The following HERC3 variants were observed in gnomAD, a reference collection of about 807,000 sequenced individuals.
HERC3 encodes the protein HECT and RLD domain containing E3 ubiquitin protein ligase 3, also known as probable E3 ubiquitin-protein ligase HERC3.
A neutral mutation model predicts 129.9 loss-of-function variants in HERC3; 58 were observed. The observed-to-expected ratio is 0.45, with a 90% confidence interval of 0.36 to 0.56. The LOEUF (loss-of-function observed/expected upper bound fraction) is 0.56. Ranked by LOEUF, HERC3 falls within the 20% of genes least tolerant of loss-of-function variation. The probability of loss-of-function intolerance (pLI) is 0.00; values close to 1 mark genes in which losing one functional copy is unlikely to be tolerated. For missense variants in HERC3, 835 were observed against 1,244.2 expected, an observed-to-expected ratio of 0.67 and a Z score of 4.95; for synonymous variants, 430 against 451.0, an observed-to-expected ratio of 0.95 and a Z score of 0.59.
intron 23 of HERC3, 136 bp from the exon 24 acceptor site, chr4:88,703,962 A>G: frequency 1.3e-6 from 1 of 746,366 alleles, no homozygotes; most frequent in South Asian, 1.8e-5. Context: ...AACCTATATG[A>G]TGCCTTAGGA....
At chr4:88,563,012 G>C in the HERC3 span, among the ~76,000 whole-genome samples, 1 of 152,066 alleles carries the variant, frequency 6.6e-6, no homozygotes, top group African/African-American at 2.4e-5. Flanking sequence ...ATAAATGTCA[G>C]GATTATTTTT....
the HERC3 span, among the ~76,000 whole-genome samples, chr4:88,535,894 G>A: frequency 0.024 from 3,655 of 152,278 alleles, 137 homozygotes; most frequent in African/African-American, 0.082. Flanking sequence ...TAGAAATAAT[G>A]CAAATGTTTC....
At chr4:88,667,808 C>CT (rs1731205132) in intron 13 of HERC3, 84 bp from the exon 14 acceptor site, 14 of 1,005,748 alleles carry the variant, frequency 1.4e-5, no homozygotes, top group Non-Finnish European at 2.0e-5. Context: ...AGTTGAGAGT[C>CT]TATCAAATAG....
rs562990641 is a variant in HERC3 at position 88,686,854 on chromosome 4, T to C, written c.2574+52T>C. 4.2e-5 allele frequency: 52 copies of C among 1,252,340 alleles called. No individual in the cohort carries two copies. The South Asian group carries it at 5.2e-4, about 12-fold the overall frequency. The allele number at this position is 1,252,340 out of a possible 1,614,324, so 77.6% of individuals were successfully genotyped here. On this transcript the variant is annotated intron_variant, in intron 22 of 25. Transcript: ENST00000402738. The stretch of plus-strand genomic sequence containing the variant: ...ATTGTGGCTGTCTCTCTTACCATCT[T>C]TAGAGTGATATTTAACATTAGTTCT...
At position 88,704,201 on chromosome 4, in the gene HERC3, G is replaced by A; in HGVS notation, c.2761G>A (p.Val921Ile). Residue 921 changes from valine to isoleucine, a missense_variant, in exon 24 of 26, where the codon GTA (valine) becomes ATA (isoleucine). Physicochemically the swap from Val to Ile is conservative, Grantham distance 29. Transcript: ENST00000402738. The stretch of plus-strand genomic sequence containing the variant: ...CTTCCTAAAGGTGTGTGGTGGCAAA[G>A]TACTTGAGCTCTTCCAGCCTTCAGA... The part of the protein sequence containing the change: ...SGFLKVCGGK[V>I]LELFQPSELR... 1 of 1,614,178 alleles carries A rather than the reference G, an allele frequency of 6.2e-7. No individual in the cohort carries two copies. The highest frequency in any genetic ancestry group is 8.5e-7 in the Non-Finnish European group (1 of 1,180,022).
At chr4:88,642,130 CAAA>C (rs200464130) in intron 3 of HERC3, among the ~76,000 whole-genome samples, 2 of 77,030 alleles carry the variant, frequency 2.6e-5, no homozygotes, top group South Asian at 4.5e-4. Flanking sequence ...GACTCTGTCT[CAAA>C]AAAAAAAAAA....
the HERC3 span, among the ~76,000 whole-genome samples, chr4:88,549,321 A>T: frequency 0.033 from 2,836 of 87,036 alleles, 37 homozygotes; most frequent in African/African-American, 0.075. Context: ...AACTTTTTTT[A>T]AAAAAAAAAA....
intron 14 of HERC3, 21 bp downstream of exon 14, chr4:88,668,102 A>G (rs1366280271): frequency 5.0e-6 from 8 of 1,591,064 alleles, no homozygotes; most frequent in Non-Finnish European, 6.9e-6. Context: ...TAACCTCGAT[A>G]TCAGTGGTTT....
the HERC3 span, among the ~76,000 whole-genome samples, chr4:88,566,274 T>A: frequency 1.3e-5 from 2 of 152,142 alleles, no homozygotes; most frequent in Non-Finnish European, 2.9e-5. Flanking sequence ...GATTTGGGAT[T>A]ACTACAAGGC....
rs371677975 is a variant in HERC3, at chr4:88,653,086, A to G, written c.681A>G (p.Glu227=). ...NNAGQLGLSD[E]KDRESPCHVK... ...CCGGGCAGCTAGGGCTCAGTGATGAAAAAGGTAGGTAAACCCTTCATATGT... is the reference window on the plus strand; with the variant it reads ...CCGGGCAGCTAGGGCTCAGTGATGAGAAAGGTAGGTAAACCCTTCATATGT... Residue 227 remains glutamate, a synonymous_variant, in exon 6 of 26, where the codon GAA becomes GAG. Coordinates refer to ENST00000402738, the MANE Select transcript of HERC3 (RefSeq NM_014606.3). 7 of 1,614,106 alleles carry G rather than the reference A, an allele frequency of 4.3e-6. No homozygotes were observed. The African/African-American group carries it at 9.3e-5, about 22-fold the overall frequency.
chr4:88,524,019 A>T, the HERC3 span: 1 of 371,778 alleles, frequency 2.7e-6, no homozygotes, highest in African/African-American at 2.1e-5. Context: ...CTGTCCAAGG[A>T]TGCTAGGAAG....
intron 20 of HERC3, among the ~76,000 whole-genome samples, chr4:88,680,664 CTG>C (rs894835912): frequency 2.2e-4 from 33 of 152,212 alleles, no homozygotes; most frequent in African/African-American, 8.0e-4. Flanking sequence ...TTCAATCAGA[CTG>C]TCATTTACAT....
chr4:88,539,901 A>C, the HERC3 span, among the ~76,000 whole-genome samples: 3 of 152,154 alleles, frequency 2.0e-5, no homozygotes, highest in African/African-American at 7.2e-5. Flanking sequence ...AACATCAACA[A>C]AAAGGACATC....
chr4:88,562,453 G>T, the HERC3 span, among the ~76,000 whole-genome samples: 1 of 151,992 alleles, frequency 6.6e-6, no homozygotes, highest in Non-Finnish European at 1.5e-5. Flanking sequence ...TATTCTTTGA[G>T]TTGTCTCTTC....
At chr4:88,588,393 T>C (rs1721583379), upstream of HERC3, among the ~76,000 whole-genome samples, 1 of 152,274 alleles carries the variant, frequency 6.6e-6, no homozygotes, top group Non-Finnish European at 1.5e-5. Flanking sequence ...AAGTTTAGTC[T>C]GGGTATAGAT....
Position 88,667,505 on chromosome 4 carries a change from G to A in HERC3, c.1443+17G>A. On this transcript the variant is annotated intron_variant, in intron 13 of 25. Coordinates refer to ENST00000402738, the MANE Select transcript of HERC3 (RefSeq NM_014606.3). ...CTAGAACAGGTATGTTTCTATATTT[G>A]TAAAGTGCATTCTTAAAAATGCATT... is the stretch of plus-strand genomic sequence containing the variant. 1 of 1,357,426 alleles carries A rather than the reference G, an allele frequency of 7.4e-7. No homozygotes were observed. The highest frequency in any genetic ancestry group is 1.0e-6 in the Non-Finnish European group (1 of 973,278). 84.1% of individuals were successfully genotyped at this position (1,357,426 alleles called of 1,614,324 possible).
At chr4:88,579,243 A>T in the HERC3 span, among the ~76,000 whole-genome samples, 1 of 148,686 alleles carries the variant, frequency 6.7e-6, no homozygotes, top group Non-Finnish European at 1.5e-5. Flanking sequence ...ATATATATAT[A>T]TATATATATG....
In HERC3 at chr4:88,708,487, G is replaced by T. The variant is rs1469033108; in HGVS notation, c.*1527G>T. 1 of 152,452 alleles carries T rather than the reference G, an allele frequency of 6.6e-6. No homozygotes were observed. Among genetic ancestry groups the T allele is most frequent in the Non-Finnish European group, 1.5e-5 (1 of 68,028 alleles). 9.4% of individuals were successfully genotyped at this position (152,452 alleles called of 1,614,324 possible). On this transcript the variant is annotated 3_prime_UTR_variant, in exon 26 of 26. Coordinates refer to ENST00000402738, the MANE Select transcript of HERC3 (RefSeq NM_014606.3). ...GTTATATGAAATGTTTATTTTCTAT[G>T]TGTGTGCATATAGTTCAATATTATG...
intron 3 of HERC3, among the ~76,000 whole-genome samples, chr4:88,638,252 T>G (rs1488048028): frequency 6.6e-6 from 1 of 152,154 alleles, no homozygotes; most frequent in Non-Finnish European, 1.5e-5. Flanking sequence ...GAGGCTAGCA[T>G]CATCCTGATA....
Sources: allele counts gnomAD v4.1 joint callset (sites outside exome capture counted in the v4.1 genomes callset), GRCh38; gene constraint gnomAD v4.1.1; transcripts MANE v1.5; gene names NCBI Gene and HGNC (gene_info 2026-07-23, HGNC 2026-07-21).